Variants in KLHL13 observed in about 807,000 individuals in gnomAD.
KLHL13 encodes kelch like family member 13, also known as kelch-like protein 13.
In KLHL13, 10 loss-of-function variants were observed where a neutral mutation model predicts 37.1. The ratio of observed to expected loss-of-function variants is 0.27; its 90% CI spans 0.17 to 0.46. The LOEUF (loss-of-function observed/expected upper bound fraction) is 0.46. Ranked by LOEUF, KLHL13 falls within the 20% of genes least tolerant of loss-of-function variation. The pLI is 1.00. For missense variants in KLHL13, 360 were observed against 509.3 expected, an observed-to-expected ratio of 0.71 and a Z score of 2.82; for synonymous variants, 163 against 181.2, an observed-to-expected ratio of 0.90 and a Z score of 0.81.
In KLHL13 at chrX:117,982,903, C is replaced by T. The variant is rs748793994; in HGVS notation, c.-55-37328G>A. On this transcript the variant is annotated intron_variant, in intron 1 of 6. Transcript: ENST00000371882. ...CAAACTGTACATCCATTATCTTGCC[C>T]TCCCACACTCCAGATCCTTCTAGGT... Among the ~76,000 whole-genome samples, 11 of 111,939 alleles carry T rather than the reference C, an allele frequency of 9.8e-5. No individual in the cohort carries two copies. In the South Asian group the frequency reaches 4.1e-3, roughly 42 times the overall value.
intron 2 of KLHL13, among the ~76,000 whole-genome samples, chrX:117,941,700 TTG>T (rs1364411091): frequency 2.7e-5 from 3 of 111,565 alleles, no homozygotes; most frequent in Admixed American, 9.5e-5. Flanking sequence ...TCATTTCTTA[TTG>T]TGTCTATTTG....
chrX:118,085,298 T>C (rs2055041121), intron 1 of KLHL13, among the ~76,000 whole-genome samples: 1 of 111,106 alleles, frequency 9.0e-6, no homozygotes, highest in Admixed American at 9.6e-5. Flanking sequence ...ATTTATTGTA[T>C]TATTCCATTT....
At chrX:118,048,728 A>C (rs908703575) in intron 1 of KLHL13, among the ~76,000 whole-genome samples, 1 of 111,708 alleles carries the variant, frequency 9.0e-6, no homozygotes, top group Non-Finnish European at 1.9e-5. Flanking sequence ...GACAGAACAA[A>C]AATATAACGA....
chrX:117,965,600 G>A (rs11260124), intron 1 of KLHL13, among the ~76,000 whole-genome samples: 27,075 of 110,200 alleles, frequency 0.25, 5,548 homozygotes, highest in African/African-American at 0.69. Context: ...AGACACAACA[G>A]AAAAAGAGAA....
intron 1 of KLHL13, among the ~76,000 whole-genome samples, chrX:118,090,431 AAAAC>A (rs1423259482): frequency 1.1e-4 from 12 of 112,042 alleles, no homozygotes; most frequent in South Asian, 7.4e-4. Context: ...TTTCCAAGAA[AAAAC>A]AAACAAACAA....
exon 7 of KLHL13, chrX:117,899,058 C>T (rs1929919362): frequency 8.3e-7 from 1 of 1,209,605 alleles, no homozygotes; most frequent in South Asian, 1.8e-5. Context: ...CATATTTCTG[C>T]ACTATCTCTA....
chrX:118,090,920 C>T (rs377764093), intron 1 of KLHL13, among the ~76,000 whole-genome samples: 1 of 107,885 alleles, frequency 9.3e-6, no homozygotes, highest in African/African-American at 3.4e-5. Flanking sequence ...AAATGTGGCA[C>T]ATATACACCA....
At chrX:118,020,600 TA>T (rs1186694912) in intron 1 of KLHL13, among the ~76,000 whole-genome samples, 1 of 110,913 alleles carries the variant, frequency 9.0e-6, no homozygotes, top group Non-Finnish European at 1.9e-5. Flanking sequence ...CTCAGGGATC[TA>T]GAACTAGAAA....
At chrX:118,067,529 CCT>C (rs1227874241) in intron 1 of KLHL13, among the ~76,000 whole-genome samples, 2 of 111,258 alleles carry the variant, frequency 1.8e-5, no homozygotes, top group Non-Finnish European at 3.8e-5. Context: ...TAACTTTTTG[CCT>C]CTTTTGTAAT....
At chrX:118,111,677 G>A (rs1228903720) in intron 1 of KLHL13, among the ~76,000 whole-genome samples, 27 of 112,557 alleles carry the variant, frequency 2.4e-4, no homozygotes, top group African/African-American at 8.7e-4. Flanking sequence ...TGGATCACGA[G>A]GTCAGAAGAT....
chrX:118,090,686 T>A (rs1240706273), intron 1 of KLHL13, among the ~76,000 whole-genome samples: 14 of 107,393 alleles, frequency 1.3e-4, no homozygotes, highest in South Asian at 8.6e-4. Context: ...GGTGGGACTG[T>A]AAACTAGTTC....
chrX:117,907,357 T>C (rs1930615991), intron 5 of KLHL13, among the ~76,000 whole-genome samples: 1 of 111,606 alleles, frequency 9.0e-6, no homozygotes, highest in Admixed American at 9.6e-5. Context: ...TATTAGGAAC[T>C]ATATATTGAA....
chrX:118,003,243 G>A (rs1456531827), intron 1 of KLHL13, among the ~76,000 whole-genome samples: 7 of 112,205 alleles, frequency 6.2e-5, no homozygotes, highest in Non-Finnish European at 1.1e-4. Flanking sequence ...CTGGCCAGGC[G>A]TAGTGGCTCA....
At chrX:117,961,432 G>C (rs746682529) in intron 1 of KLHL13, among the ~76,000 whole-genome samples, 16 of 112,140 alleles carry the variant, frequency 1.4e-4, no homozygotes, top group Non-Finnish European at 2.8e-4. Context: ...TTCAACTAGA[G>C]TATTGTAGAT....
At chrX:117,969,724 AT>A (rs1483725511) in intron 1 of KLHL13, among the ~76,000 whole-genome samples, 1 of 111,836 alleles carries the variant, frequency 8.9e-6, no homozygotes, top group Non-Finnish European at 1.9e-5. Context: ...CTGAAGTATT[AT>A]TTTCCTGAAT....
intron 1 of KLHL13, among the ~76,000 whole-genome samples, chrX:118,039,108 T>C (rs2054481408): frequency 8.9e-6 from 1 of 112,319 alleles, no homozygotes; most frequent in Non-Finnish European, 1.9e-5. Context: ...ATTAATCATC[T>C]GCTGATTAAA....
chrX:118,100,138 C>T (rs969985934), intron 1 of KLHL13, among the ~76,000 whole-genome samples: 4 of 111,330 alleles, frequency 3.6e-5, no homozygotes, highest in African/African-American at 1.3e-4. Flanking sequence ...TATTGTTCTT[C>T]TTATTTTTGC....
At chrX:118,115,818 C>A (rs2055462207) in intron 1 of KLHL13, among the ~76,000 whole-genome samples, 2 of 112,047 alleles carry the variant, frequency 1.8e-5, no homozygotes, top group Admixed American at 9.4e-5. Context: ...TTAATGAAAC[C>A]TAGAAAGAAA....
rs73637166 is a variant in KLHL13, at chrX:117,969,547, T to C, written c.98+3184A>G. 5.8e-3 allele frequency among the ~76,000 whole-genome samples: 645 copies of C among 111,543 alleles called. 7 individuals carry two copies. The highest frequency in any genetic ancestry group is 0.02 in the African/African-American group (619 of 30,726). The stretch of plus-strand genomic sequence containing the variant: ...GCTAAGGTTGAACTTCAACCTACTG[T>C]TGAACAGAGTGCAAAGCAAACACAT... On this transcript the variant is annotated intron_variant, in intron 1 of 6. Transcript: ENST00000262820.
Sources: gnomAD v4.1 joint callset for allele counts (sites outside exome capture counted in the v4.1 genomes callset) on GRCh38, gnomAD v4.1.1 for gene constraint, MANE v1.5 for transcripts, NCBI Gene and HGNC (gene_info 2026-07-23, HGNC 2026-07-21) for gene names.